The following MCCC2 variants were observed in gnomAD, a reference collection of about 807,000 sequenced individuals.
MCCC2 encodes the protein methylcrotonoyl-CoA carboxylase beta chain, mitochondrial.
Under a neutral mutation model 77.2 loss-of-function variants are expected in MCCC2, and 52 were observed. The ratio of observed to expected loss-of-function variants is 0.67; its 90% CI spans 0.54 to 0.85. The LOEUF is 0.85. Ranked by LOEUF, MCCC2 falls within the 40% of genes least tolerant of loss-of-function variation. MCCC2 has a pLI of 0.00. For synonymous variants in MCCC2, 253 were observed against 248.4 expected, an observed-to-expected ratio of 1.02 and a Z score of -0.18; for missense variants, 682 against 703.2, an observed-to-expected ratio of 0.97 and a Z score of 0.34.
In MCCC2 at chr5:71,602,857, G is replaced by GT. The variant is rs1277471595; in HGVS notation, c.511+231dup. On this transcript the variant is annotated intron_variant, in intron 5 of 16. Coordinates refer to ENST00000340941, the MANE Select transcript of MCCC2 (RefSeq NM_022132.5). ...TACTCATACATTTTGACGCATGCCA[G>GT]TTTTTTTCTCTATGTGTTGTGTGGT... 5.3e-6 allele frequency: 3 copies of GT among 563,718 alleles called. No individual in the cohort carries two copies. In the East Asian group the frequency reaches 1.0e-4, roughly 19 times the overall value. The allele number at this position is 563,718 out of a possible 1,614,324, so 34.9% of individuals were successfully genotyped here. A position where few individuals can be genotyped will look rare whatever the true frequency, so the allele number is the denominator to read the frequency against.
intron 5 of MCCC2, 68 bp from the exon 6 acceptor site, chr5:71,604,288 A>G (rs1351822081): frequency 2.0e-5 from 26 of 1,317,582 alleles, no homozygotes; most frequent in Non-Finnish European, 2.6e-5. Context: ...TGTCATTGAT[A>G]CAAGTTTCCC....
intron 7 of MCCC2, among the ~76,000 whole-genome samples, chr5:71,628,586 G>C (rs278000): frequency 0.42 from 63,549 of 151,910 alleles, 13,540 homozygotes; most frequent in South Asian, 0.47. Flanking sequence ...CTCCAGCATT[G>C]CTCTATATGT....
At position 71,656,743 on chromosome 5, in the gene MCCC2, G is replaced by A. The variant is rs1389515967; in HGVS notation, c.1575G>A (p.Arg525=). ...AACTCTTTTTTTGTTCTTTTGTCAGGGTATGGGATGATGGGATCATTGATC... is the reference window on the plus strand; with the variant it reads ...AACTCTTTTTTTGTTCTTTTGTCAGAGTATGGGATGATGGGATCATTGATC... The part of the protein sequence containing the change: ...EEGNPYYSSA[R]VWDDGIIDPA... Residue 525 remains arginine (R), a splice_region_variant and synonymous_variant, in exon 17 of 17, where the codon AGG becomes AGA. Transcript: ENST00000340941. 3 of 1,611,868 alleles carry A rather than the reference G, an allele frequency of 1.9e-6. No homozygotes were observed. The highest frequency in any genetic ancestry group is 4.5e-5 in the East Asian group (2 of 44,860).
In MCCC2 at chr5:71,656,312, A is replaced by G. The variant is rs182291857; in HGVS notation, c.1575-431A>G. On this transcript the variant is annotated intron_variant, in intron 16 of 16. Transcript: ENST00000340941. ...TAAGAGTTTGGATGGGGGTTGGGGA[A>G]TATACATTTTCCAGTAAAGTTTGAG... is the stretch of plus-strand genomic sequence containing the variant. Among the ~76,000 whole-genome samples the G allele has an allele frequency of 3.9e-5, 6 of 152,326 alleles. No homozygotes were observed. The East Asian group carries it at 1.2e-3, about 29-fold the overall frequency.
At chr5:71,617,203 G>A (rs1443514246) in intron 6 of MCCC2, among the ~76,000 whole-genome samples, 1 of 152,048 alleles carries the variant, frequency 6.6e-6, no homozygotes. Context: ...CATCTGCTCA[G>A]GCCCATGCTG....
intron 7 of MCCC2, among the ~76,000 whole-genome samples, chr5:71,631,907 GT>G (rs902607739): frequency 1.3e-5 from 2 of 152,174 alleles, no homozygotes; most frequent in African/African-American, 4.8e-5. Flanking sequence ...CTGTAAGCAA[GT>G]TCTTTGTGAC....
chr5:71,649,568 AG>A (rs1747375058), intron 14 of MCCC2, among the ~76,000 whole-genome samples: 1 of 152,228 alleles, frequency 6.6e-6, no homozygotes. Context: ...CGGGAAAAGA[AG>A]CAAGACTGCA....
At chr5:71,630,564 G>T (rs1746674614) in intron 7 of MCCC2, among the ~76,000 whole-genome samples, 1 of 151,588 alleles carries the variant, frequency 6.6e-6, no homozygotes, top group African/African-American at 2.4e-5. Context: ...TAAATATCCA[G>T]ACACCTCTTA....
chr5:71,634,520 C>G (rs1198800273), intron 8 of MCCC2, among the ~76,000 whole-genome samples: 1 of 152,202 alleles, frequency 6.6e-6, no homozygotes, highest in African/African-American at 2.4e-5. Context: ...ATGCCGTAAC[C>G]AACTACATCA....
intron 16 of MCCC2, among the ~76,000 whole-genome samples, chr5:71,653,905 C>T (rs569146318): frequency 6.6e-6 from 1 of 150,892 alleles, no homozygotes; most frequent in African/African-American, 2.4e-5. Flanking sequence ...TTGAATGGTT[C>T]CTTGGTGGAT....
At chr5:71,598,917 G>A (rs1265800942) in intron 3 of MCCC2, among the ~76,000 whole-genome samples, 1 of 146,212 alleles carries the variant, frequency 6.8e-6, no homozygotes, top group Non-Finnish European at 1.5e-5. Context: ...ATGCCCAGCT[G>A]TGTTGAAAAT....
intron 16 of MCCC2, 96 bp from the exon 17 acceptor site, chr5:71,656,647 C>T (rs989940419): frequency 2.0e-5 from 18 of 917,634 alleles, no homozygotes; most frequent in African/African-American, 4.9e-5. Flanking sequence ...CCATATATTA[C>T]CTGAAGGAAA....
At chr5:71,614,460 G>C (rs868226372) in intron 6 of MCCC2, among the ~76,000 whole-genome samples, 1 of 151,072 alleles carries the variant, frequency 6.6e-6, no homozygotes, top group African/African-American at 2.4e-5. Flanking sequence ...GGCCAGCATA[G>C]TGAGACCCCA....
intron 2 of MCCC2, among the ~76,000 whole-genome samples, chr5:71,594,768 G>T (rs897595241): frequency 2.0e-5 from 3 of 152,104 alleles, no homozygotes; most frequent in African/African-American, 4.8e-5. Flanking sequence ...TATGTGCTCT[G>T]TGAGCCTGCA....
At chr5:71,613,756 A>G (rs985618425) in intron 6 of MCCC2, among the ~76,000 whole-genome samples, 2 of 152,060 alleles carry the variant, frequency 1.3e-5, no homozygotes, top group Non-Finnish European at 2.9e-5. Flanking sequence ...ACATATATTT[A>G]TAATATATAA....
intron 10 of MCCC2, among the ~76,000 whole-genome samples, chr5:71,640,671 C>G (rs1474868669): frequency 6.6e-6 from 1 of 152,082 alleles, no homozygotes; most frequent in Non-Finnish European, 1.5e-5. Flanking sequence ...CTGTCTCTAC[C>G]CAGCTTTCTC....
At chr5:71,624,315 A>G in intron 6 of MCCC2, among the ~76,000 whole-genome samples, 1 of 152,222 alleles carries the variant, frequency 6.6e-6, no homozygotes, top group African/African-American at 2.4e-5. Flanking sequence ...AGTAGATGGT[A>G]TGATGGCATT....
At chr5:71,646,163 A>G in intron 12 of MCCC2, 48 bp from the exon 13 acceptor site, 1 of 1,485,064 alleles carries the variant, frequency 6.7e-7, no homozygotes, top group East Asian at 2.3e-5. Flanking sequence ...CATGATGATA[A>G]TAGAGTTAAT....
intron 5 of MCCC2, 85 bp from the exon 6 acceptor site, chr5:71,604,271 C>G: frequency 1.7e-6 from 2 of 1,157,210 alleles, no homozygotes; most frequent in South Asian, 2.5e-5. Context: ...TGATTAAGAA[C>G]TGATGCTGTC....
Sources: gnomAD v4.1 joint callset for allele counts (sites outside exome capture counted in the v4.1 genomes callset) on GRCh38, gnomAD v4.1.1 for gene constraint, MANE v1.5 for transcripts, NCBI Gene and HGNC (gene_info 2026-07-23, HGNC 2026-07-21) for gene names.